ARHGAP12: variants seen among roughly 807,000 people sequenced by gnomAD.
ARHGAP12 encodes the protein Rho GTPase activating protein 12.
In ARHGAP12, 64 loss-of-function variants were observed where a neutral mutation model predicts 108.6. The ratio of observed to expected loss-of-function variants is 0.59; its 90% CI spans 0.48 to 0.73. ARHGAP12 has a LOEUF of 0.73. ARHGAP12 is among the 30% of genes least tolerant of loss of function. The pLI is 0.00. For synonymous variants in ARHGAP12, 312 were observed against 337.2 expected (o/e 0.93, Z 0.82); for missense variants, 940 against 1,005.9 (o/e 0.93, Z 0.89).
At chr10:31,865,870 T>A (rs1286997094) in intron 3 of ARHGAP12, among the ~76,000 whole-genome samples, 3 of 129,148 alleles carry the variant, frequency 2.3e-5, no homozygotes, top group Non-Finnish European at 3.4e-5. Context: ...TGAGCAAGAC[T>A]CCGTCTCAAA....
At chr10:31,819,252 G>C (rs978779133) in intron 12 of ARHGAP12, among the ~76,000 whole-genome samples, 2 of 152,108 alleles carry the variant, frequency 1.3e-5, no homozygotes, top group South Asian at 2.1e-4. Context: ...GTTGGTGCTC[G>C]AGGCAGAACA....
At chr10:31,838,481 A>C (rs530588163) in intron 9 of ARHGAP12, among the ~76,000 whole-genome samples, 4 of 152,252 alleles carry the variant, frequency 2.6e-5, no homozygotes, top group African/African-American at 9.6e-5. Flanking sequence ...CACAAGTTCA[A>C]GACCAGCCTG....
intron 11 of ARHGAP12, among the ~76,000 whole-genome samples, chr10:31,821,634 A>C (rs1476442054): frequency 6.6e-6 from 1 of 152,210 alleles, no homozygotes; most frequent in Non-Finnish European, 1.5e-5. Flanking sequence ...CTTCACATTT[A>C]AAATACAGTT....
At chr10:31,841,630 T>C (rs932825503) in intron 7 of ARHGAP12, among the ~76,000 whole-genome samples, 4 of 152,200 alleles carry the variant, frequency 2.6e-5, no homozygotes, top group Non-Finnish European at 5.9e-5. Flanking sequence ...TTAATGTAAA[T>C]GTTCAGAGCA....
Position 31,908,882 on chromosome 10 carries a change from A to T in ARHGAP12, c.-27T>A. On this transcript the variant is annotated 5_prime_UTR_variant, in exon 3 of 20. Transcript: ENST00000344936. ...CAATAATATTCACCTCTCAAAAAGG[A>T]TGTTATACCACATTATGGCTTTATG... 6.5e-7 allele frequency: 1 copy of T among 1,541,930 alleles called. No individual in the cohort carries two copies. Among genetic ancestry groups the T allele is most frequent in the South Asian group, 1.2e-5 (1 of 81,280 alleles).
In ARHGAP12 at chr10:31,829,106, C is replaced by T. The variant is rs531431014; in HGVS notation, c.1448+2633G>A. Among the ~76,000 whole-genome samples the T allele has an allele frequency of 4.6e-5, 7 of 152,146 alleles. No individual in the cohort carries two copies. The East Asian group carries it at 1.4e-3, about 29-fold the overall frequency. ...GGCGGAGGTTGCAGTGACCCAAGAT[C>T]GCACCACTGCACTCCAGCCTGGGCG... On this transcript the variant is annotated intron_variant, in intron 10 of 19. Coordinates refer to ENST00000344936, the MANE Select transcript of ARHGAP12 (RefSeq NM_018287.7).
intron 3 of ARHGAP12, among the ~76,000 whole-genome samples, chr10:31,876,008 G>A (rs1171205201): frequency 6.6e-6 from 1 of 152,058 alleles, no homozygotes; most frequent in Non-Finnish European, 1.5e-5. Flanking sequence ...ATATTCCATT[G>A]TGTGTGTCTG....
At chr10:31,853,608 C>T (rs561269175) in intron 5 of ARHGAP12, among the ~76,000 whole-genome samples, 1 of 152,150 alleles carries the variant, frequency 6.6e-6, no homozygotes, top group Non-Finnish European at 1.5e-5. Context: ...AGATGCAATA[C>T]ACACATAAAA....
chr10:31,854,076 G>C lies in ARHGAP12; in HGVS notation c.1079C>G (p.Thr360Ser). ...RGHTLYTSDY[T>S]NEKWLKHVDD... ...AAAAAAAGAATGTACCTTTTCATTA[G>C]TATAGTCACTGGTATATAAGGTATG... Residue 360 changes from threonine (T) to serine (S), a missense_variant, in exon 5 of 20, where the codon ACT becomes AGT. Transcript: ENST00000344936. 1.2e-6 allele frequency: 2 copies of C among 1,607,956 alleles called. No homozygotes were observed. The highest frequency in any genetic ancestry group is 1.7e-6 in the Non-Finnish European group (2 of 1,178,230).
intron 1 of ARHGAP12, among the ~76,000 whole-genome samples, chr10:31,914,448 A>C (rs1469905792): frequency 6.6e-6 from 1 of 151,604 alleles, no homozygotes; most frequent in Non-Finnish European, 1.5e-5. Context: ...CTCAATAGCA[A>C]AAAAAAAACA....
chr10:31,854,244 G>T (rs1836804515), intron 4 of ARHGAP12, 38 bp from the exon 5 acceptor site: 1 of 1,538,282 alleles, frequency 6.5e-7, no homozygotes, highest in East Asian at 2.4e-5. Flanking sequence ...TTTCTTTTTT[G>T]AATATAAATA....
intron 3 of ARHGAP12, among the ~76,000 whole-genome samples, chr10:31,887,999 C>T (rs973800497): frequency 6.6e-6 from 1 of 152,128 alleles, no homozygotes; most frequent in African/African-American, 2.4e-5. Context: ...TCTCTACTCA[C>T]AAAGTCTGGA....
Position 31,806,062 on chromosome 10 carries a change from A to G in ARHGAP12, c.*1596T>C, listed in dbSNP as rs1834814011. On this transcript the variant is annotated 3_prime_UTR_variant, in exon 20 of 20. Coordinates refer to ENST00000344936, the MANE Select transcript of ARHGAP12 (RefSeq NM_018287.7). ...TCTGTAAATTATAAATGCAACCCTA[A>G]GAAAAAAAAATCCTGGTCACAAATC... The G allele has an allele frequency of 6.7e-6, 1 of 150,340 alleles. No individual in the cohort carries two copies. The highest frequency in any genetic ancestry group is 1.5e-5 in the Non-Finnish European group (1 of 68,012). The allele number at this position is 150,340 out of a possible 1,614,324, so 9.3% of individuals were successfully genotyped here. A position where few individuals can be genotyped will look rare whatever the true frequency, so the allele number is the denominator to read the frequency against.
intron 1 of ARHGAP12, among the ~76,000 whole-genome samples, chr10:31,918,014 G>GA (rs1348332415): frequency 2.0e-5 from 3 of 151,420 alleles, no homozygotes; most frequent in Non-Finnish European, 4.4e-5. Flanking sequence ...GGAGTGCAGT[G>GA]GTACCATCAT....
intron 3 of ARHGAP12, among the ~76,000 whole-genome samples, chr10:31,907,317 CAAAAG>C (rs1037616904): frequency 1.3e-5 from 2 of 151,182 alleles, no homozygotes; most frequent in African/African-American, 4.9e-5. Context: ...GATCTAATCT[CAAAAG>C]AAAGGTTTAA....
intron 3 of ARHGAP12, among the ~76,000 whole-genome samples, chr10:31,887,644 C>A (rs1197387484): frequency 1.3e-5 from 2 of 148,528 alleles, no homozygotes; most frequent in South Asian, 2.1e-4. Context: ...TCATTTTGCC[C>A]TTCCTGTTTT....
At chr10:31,917,745 C>T (rs962438982) in intron 1 of ARHGAP12, among the ~76,000 whole-genome samples, 3 of 152,156 alleles carry the variant, frequency 2.0e-5, no homozygotes, top group Non-Finnish European at 4.4e-5. Flanking sequence ...TGTCAGACAT[C>T]AGTAACTCAC....
At chr10:31,818,344 T>C (rs1835285142) in intron 12 of ARHGAP12, among the ~76,000 whole-genome samples, 1 of 152,206 alleles carries the variant, frequency 6.6e-6, no homozygotes, top group African/African-American at 2.4e-5. Context: ...CAATATTTCC[T>C]ACTTTGTAGG....
At chr10:31,889,562 T>C (rs1838327596) in intron 3 of ARHGAP12, among the ~76,000 whole-genome samples, 1 of 152,012 alleles carries the variant, frequency 6.6e-6, no homozygotes, top group African/African-American at 2.4e-5. Context: ...CTTAAAAATT[T>C]TATCTTCTGT....
Sources: allele counts gnomAD v4.1 joint callset (sites outside exome capture counted in the v4.1 genomes callset), GRCh38; gene constraint gnomAD v4.1.1; transcripts MANE v1.5; gene names NCBI Gene and HGNC (gene_info 2026-07-23, HGNC 2026-07-21).